The following LRRTM4 variants were observed in gnomAD, a reference collection of about 807,000 sequenced individuals.
LRRTM4 encodes leucine rich repeat transmembrane neuronal 4, also known as leucine-rich repeat transmembrane neuronal protein 4.
Under a neutral mutation model 47.6 loss-of-function variants are expected in LRRTM4, and 25 were observed. The observed-to-expected ratio is 0.53, with a 90% CI of 0.38 to 0.73. The LOEUF is 0.73. Ranked by LOEUF, LRRTM4 falls within the 30% of genes least tolerant of loss-of-function variation. LRRTM4 has a pLI of 0.00. For synonymous variants in LRRTM4, 311 were observed against 269.5 expected, an observed-to-expected ratio of 1.15 and a Z score of -1.51; for missense variants, 638 against 713.4, an observed-to-expected ratio of 0.89 and a Z score of 1.20.
intron 3 of LRRTM4, among the ~76,000 whole-genome samples, chr2:76,764,402 C>T (rs1464464134): frequency 1.3e-5 from 2 of 152,232 alleles, no homozygotes; most frequent in Admixed American, 6.5e-5. Flanking sequence ...AAGGCCAAGG[C>T]GGGCAGATCA....
chr2:76,980,158 T>C, intron 3 of LRRTM4, among the ~76,000 whole-genome samples: 1 of 152,046 alleles, frequency 6.6e-6, no homozygotes. Context: ...GAGGATTATA[T>C]AAAGCCAGTA....
At chr2:77,078,925 C>G (rs576042851) in intron 3 of LRRTM4, among the ~76,000 whole-genome samples, 2 of 152,272 alleles carry the variant, frequency 1.3e-5, no homozygotes, top group African/African-American at 4.8e-5. Context: ...AGGACTCTCT[C>G]CCTGGCTCAT....
intron 3 of LRRTM4, among the ~76,000 whole-genome samples, chr2:76,941,160 C>T (rs1362198454): frequency 1.3e-5 from 2 of 151,522 alleles, no homozygotes; most frequent in African/African-American, 4.9e-5. Flanking sequence ...GAAGTAAGGT[C>T]AAACAAAAAA....
intron 3 of LRRTM4, among the ~76,000 whole-genome samples, chr2:77,440,728 A>G (rs1675808192): frequency 1.3e-5 from 2 of 152,204 alleles, no homozygotes; most frequent in Non-Finnish European, 1.5e-5. Flanking sequence ...TTTGTATTAC[A>G]TATTATTTTC....
chr2:77,052,562 T>C (rs1220437961), intron 3 of LRRTM4, among the ~76,000 whole-genome samples: 1 of 151,918 alleles, frequency 6.6e-6, no homozygotes, highest in Non-Finnish European at 1.5e-5. Context: ...TCTCCTCCCA[T>C]CTTTCAACTG....
chr2:77,138,650 T>TA (rs1286805531), intron 3 of LRRTM4, among the ~76,000 whole-genome samples: 3 of 151,966 alleles, frequency 2.0e-5, no homozygotes, highest in East Asian at 1.9e-4. Context: ...GATAGAGATA[T>TA]AAAAAACCCT....
At chr2:77,475,350 T>G (rs979919084) in intron 3 of LRRTM4, among the ~76,000 whole-genome samples, 5 of 152,118 alleles carry the variant, frequency 3.3e-5, no homozygotes, top group African/African-American at 1.2e-4. Flanking sequence ...CTTTCAACCT[T>G]GTACAGATAG....
chr2:77,281,900 G>T (rs948865383), intron 3 of LRRTM4, among the ~76,000 whole-genome samples: 1 of 151,716 alleles, frequency 6.6e-6, no homozygotes, highest in African/African-American at 2.4e-5. Flanking sequence ...AAAATAAGAC[G>T]CAGGTGACAA....
At chr2:77,015,914 C>A (rs1424723791) in intron 3 of LRRTM4, among the ~76,000 whole-genome samples, 2 of 151,824 alleles carry the variant, frequency 1.3e-5, no homozygotes, top group African/African-American at 4.8e-5. Flanking sequence ...GTCAGGAGTT[C>A]GAGACCAGCC....
intron 3 of LRRTM4, among the ~76,000 whole-genome samples, chr2:77,285,361 T>TATATATATATATATATATATAC (rs1676625793): frequency 1.4e-5 from 2 of 144,102 alleles, no homozygotes; most frequent in Non-Finnish European, 1.5e-5. Flanking sequence ...TATATATATA[T>TATATATATATATATATATATAC]ATGGCCAATA....
rs1402452468 is a variant in LRRTM4 at position 77,202,688 on chromosome 2, T to C, written c.1551+315630A>G. Among the ~76,000 whole-genome samples the C allele has an allele frequency of 2.0e-5, 3 of 152,200 alleles. No individual in the cohort carries two copies. In the East Asian group the frequency reaches 5.8e-4, roughly 29 times the overall value. On this transcript the variant is annotated intron_variant, in intron 3 of 3. Coordinates refer to ENST00000409884, the MANE Select transcript of LRRTM4 (RefSeq NM_001134745.3). ...TACTAGATGAATATTACTGGAGTTA[T>C]GTCAGCTTTTTGTATAAGCTAAAGG... is the stretch of plus-strand genomic sequence containing the variant.
At chr2:76,846,252 G>A (rs1558689981) in intron 3 of LRRTM4, among the ~76,000 whole-genome samples, 1 of 152,004 alleles carries the variant, frequency 6.6e-6, no homozygotes, top group Admixed American at 6.6e-5. Flanking sequence ...TTTAAGGCTG[G>A]ACTCACTCCC....
At chr2:77,239,620 A>G (rs1210645096) in intron 3 of LRRTM4, among the ~76,000 whole-genome samples, 2 of 151,926 alleles carry the variant, frequency 1.3e-5, no homozygotes, top group Admixed American at 1.3e-4. Flanking sequence ...TTCTTCTAAA[A>G]GAAAACTTGA....
chr2:77,210,324 A>T (rs1383490309), intron 3 of LRRTM4, among the ~76,000 whole-genome samples: 1 of 152,072 alleles, frequency 6.6e-6, no homozygotes, highest in Non-Finnish European at 1.5e-5. Flanking sequence ...ATCCTTTTCC[A>T]TTTCCTCTTC....
At chr2:77,061,192 G>A (rs1679774265) in intron 3 of LRRTM4, among the ~76,000 whole-genome samples, 1 of 151,872 alleles carries the variant, frequency 6.6e-6, no homozygotes, top group Non-Finnish European at 1.5e-5. Flanking sequence ...AATGTGAGAA[G>A]CAAATTAGAT....
At chr2:76,834,296 C>T (rs1671447201) in intron 3 of LRRTM4, among the ~76,000 whole-genome samples, 1 of 151,706 alleles carries the variant, frequency 6.6e-6, no homozygotes, top group African/African-American at 2.4e-5. Flanking sequence ...GGTGATCTGC[C>T]TGCCTCGTCC....
chr2:76,933,533 T>A (rs957483767), intron 3 of LRRTM4, among the ~76,000 whole-genome samples: 1 of 152,156 alleles, frequency 6.6e-6, no homozygotes, highest in Non-Finnish European at 1.5e-5. Context: ...TTTTTTAGAA[T>A]TGTTTACTAA....
In LRRTM4 at chr2:76,748,573, TA is replaced by T; in HGVS notation, c.*121del. Reference sequence around the variant, plus strand: ...TTCTCTTTTTCTTTTCTCTATGCCATAAATGTTTTAACAGGAACGATGAGCT... The same window carrying T: ...TTCTCTTTTTCTTTTCTCTATGCCATAATGTTTTAACAGGAACGATGAGCT... On this transcript the variant is annotated 3_prime_UTR_variant, in exon 4 of 4. Coordinates refer to ENST00000409884, the MANE Select transcript of LRRTM4 (RefSeq NM_001134745.3). 1.3e-6 allele frequency: 1 copy of T among 788,264 alleles called. No individual in the cohort carries two copies. 48.8% of individuals were successfully genotyped at this position (788,264 alleles called of 1,614,324 possible).
At chr2:77,481,136 A>G (rs542554346) in intron 3 of LRRTM4, among the ~76,000 whole-genome samples, 2 of 152,262 alleles carry the variant, frequency 1.3e-5, no homozygotes, top group East Asian at 3.9e-4. Context: ...CACAACATGA[A>G]TATTAACTAA....
Sources: gnomAD v4.1 joint callset for allele counts (sites outside exome capture counted in the v4.1 genomes callset) on GRCh38, gnomAD v4.1.1 for gene constraint, MANE v1.5 for transcripts, NCBI Gene and HGNC (gene_info 2026-07-23, HGNC 2026-07-21) for gene names.